Variants in PHACTR3 observed in about 807,000 individuals in gnomAD.
PHACTR3 encodes the protein phosphatase and actin regulator 3.
PHACTR3 carries 16 observed loss-of-function variants against 66.8 expected under a neutral mutation model. The observed-to-expected ratio is 0.24, with a 90% CI of 0.16 to 0.36. The LOEUF (loss-of-function observed/expected upper bound fraction) is 0.36, where lower values mean the gene tolerates loss of function less well. Ranked by LOEUF, PHACTR3 falls within the 10% of genes least tolerant of loss-of-function variation. PHACTR3 has a pLI of 1.00. For missense variants in PHACTR3, 647 were observed against 719.9 expected, an observed-to-expected ratio of 0.90 and a Z score of 1.16; for synonymous variants, 323 against 292.1, an observed-to-expected ratio of 1.11 and a Z score of -1.08.
chr20:59,781,505 C>T (rs2040725004), intron 7 of PHACTR3, among the ~76,000 whole-genome samples: 1 of 152,168 alleles, frequency 6.6e-6, no homozygotes, highest in African/African-American at 2.4e-5. Flanking sequence ...TCAGGTTGTC[C>T]TGGGGGCGGA....
intron 1 of PHACTR3, among the ~76,000 whole-genome samples, chr20:59,649,171 G>C (rs564437585): frequency 9.3e-4 from 142 of 152,262 alleles, no homozygotes; most frequent in Admixed American, 2.0e-3. Flanking sequence ...TGAGAGTGAG[G>C]TTTTATGGTA....
chr20:59,802,767 C>T (rs181679837), intron 7 of PHACTR3, among the ~76,000 whole-genome samples: 1 of 152,288 alleles, frequency 6.6e-6, no homozygotes, highest in Non-Finnish European at 1.5e-5. Context: ...GAACGATGCC[C>T]CCGCCCACCA....
At chr20:59,831,242 C>G (rs925297723) in intron 8 of PHACTR3, among the ~76,000 whole-genome samples, 1 of 152,270 alleles carries the variant, frequency 6.6e-6, no homozygotes, top group East Asian at 1.9e-4. Flanking sequence ...GTGTTGTGCT[C>G]GATACCTTTA....
chr20:59,783,516 A>G (rs1185046729), intron 7 of PHACTR3, among the ~76,000 whole-genome samples: 1 of 148,436 alleles, frequency 6.7e-6, no homozygotes, highest in African/African-American at 2.5e-5. Flanking sequence ...TTTATTGCCT[A>G]AGTCCCTTGA....
intron 1 of PHACTR3, among the ~76,000 whole-genome samples, chr20:59,640,674 C>T (rs2146422276): frequency 6.6e-6 from 1 of 152,234 alleles, no homozygotes; most frequent in East Asian, 1.9e-4. Flanking sequence ...GTAGAGAAGG[C>T]AACCATGGGG....
At position 59,836,498 on chromosome 20, in the gene PHACTR3, TC is replaced by T; in HGVS notation, c.1329-5del. 6.2e-7 allele frequency: 1 copy of T among 1,607,846 alleles called. No homozygotes were observed. Among genetic ancestry groups the T allele is most frequent in the South Asian group, 1.1e-5 (1 of 89,998 alleles). ...GTGCAAAATGTAATTTTAGTGTTTT[TC>T]CGCAGACGGCTGAGCCAAAGACCTG... is the stretch of plus-strand genomic sequence containing the variant. On this transcript the variant is annotated splice_polypyrimidine_tract_variant and splice_region_variant and intron_variant, in intron 8 of 12. Coordinates refer to ENST00000371015, the MANE Select transcript of PHACTR3 (RefSeq NM_080672.5).
At chr20:59,840,808 AAT>A (rs958534190) in intron 10 of PHACTR3, among the ~76,000 whole-genome samples, 1 of 152,216 alleles carries the variant, frequency 6.6e-6, no homozygotes, top group African/African-American at 2.4e-5. Context: ...GTTCACCTCC[AAT>A]ATGTCTAGAA....
At chr20:59,700,094 C>G (rs1601135382) in intron 1 of PHACTR3, among the ~76,000 whole-genome samples, 1 of 152,180 alleles carries the variant, frequency 6.6e-6, no homozygotes, top group Admixed American at 6.5e-5. Flanking sequence ...TGGATTTATT[C>G]GTGTTATTCA....
chr20:59,821,707 T>C (rs1244130116), intron 8 of PHACTR3, among the ~76,000 whole-genome samples: 1 of 152,178 alleles, frequency 6.6e-6, no homozygotes, highest in Admixed American at 6.5e-5. Context: ...GATGAGTGAA[T>C]GGAAAGCATT....
At chr20:59,789,086 G>A (rs1363319194) in intron 7 of PHACTR3, among the ~76,000 whole-genome samples, 1 of 152,334 alleles carries the variant, frequency 6.6e-6, no homozygotes, top group East Asian at 1.9e-4. Context: ...GGACTGTTTC[G>A]AGGCATTGAA....
intron 1 of PHACTR3, among the ~76,000 whole-genome samples, chr20:59,653,599 T>A (rs1343130451): frequency 6.6e-6 from 1 of 152,208 alleles, no homozygotes; most frequent in Non-Finnish European, 1.5e-5. Context: ...ATATATTTCA[T>A]GATTAGTGTT....
intron 1 of PHACTR3, among the ~76,000 whole-genome samples, chr20:59,611,796 C>G (rs1457705290): frequency 6.6e-6 from 1 of 152,208 alleles, no homozygotes; most frequent in Non-Finnish European, 1.5e-5. Flanking sequence ...CTCCTAGGGT[C>G]CCCCACCTTC....
chr20:59,600,942 A>G (rs1055235454), upstream of PHACTR3, among the ~76,000 whole-genome samples: 9 of 143,602 alleles, frequency 6.3e-5, no homozygotes, highest in East Asian at 2.1e-4. Context: ...GTGCCTCTAC[A>G]TGCTTTTTTT....
intron 7 of PHACTR3, among the ~76,000 whole-genome samples, chr20:59,790,241 C>G (rs1568825492): frequency 1.3e-5 from 2 of 151,992 alleles, no homozygotes; most frequent in Non-Finnish European, 2.9e-5. Context: ...TCTTAGTACC[C>G]ATTAGTTAGT....
At chr20:59,716,905 C>T (rs906358426) in intron 1 of PHACTR3, among the ~76,000 whole-genome samples, 7 of 152,174 alleles carry the variant, frequency 4.6e-5, no homozygotes, top group Non-Finnish European at 7.3e-5. Flanking sequence ...AGGCAAAAAA[C>T]GCAAGCGTGG....
chr20:59,706,874 G>A (rs181631737), intron 1 of PHACTR3, among the ~76,000 whole-genome samples: 1 of 152,270 alleles, frequency 6.6e-6, no homozygotes, highest in African/African-American at 2.4e-5. Flanking sequence ...GAGGCAACCT[G>A]CTTTCTCTCC....
At chr20:59,725,911 A>C (rs2038545102) in intron 1 of PHACTR3, among the ~76,000 whole-genome samples, 1 of 152,164 alleles carries the variant, frequency 6.6e-6, no homozygotes, top group Admixed American at 6.5e-5. Context: ...GAGGCTCCAC[A>C]GCCTTGGACT....
Position 59,722,045 on chromosome 20 carries a change from A to G in PHACTR3, c.119-21062A>G, listed in dbSNP as rs145840079. On this transcript the variant is annotated intron_variant, in intron 1 of 12. Coordinates refer to ENST00000371015, the MANE Select transcript of PHACTR3 (RefSeq NM_080672.5). The stretch of plus-strand genomic sequence containing the variant: ...GGAGATCGAGACCATCCTGGCTAAC[A>G]CAGTGAAACCCCATATCTACTAAAA... Among the ~76,000 whole-genome samples, 949 of 152,196 alleles carry G rather than the reference A, an allele frequency of 6.2e-3. 13 individuals carry two copies. Among genetic ancestry groups the G allele is most frequent in the Middle Eastern group, 0.01 (3 of 294 alleles).
chr20:59,579,694 T>C (rs939125148), intron 1 of PHACTR3, among the ~76,000 whole-genome samples: 1 of 152,176 alleles, frequency 6.6e-6, no homozygotes, highest in African/African-American at 2.4e-5. Flanking sequence ...GCCGCAGGTT[T>C]ATTTGGAGGC....
Sources: allele counts gnomAD v4.1 joint callset (sites outside exome capture counted in the v4.1 genomes callset), GRCh38; gene constraint gnomAD v4.1.1; transcripts MANE v1.5; gene names NCBI Gene and HGNC (gene_info 2026-07-23, HGNC 2026-07-21).